UBN2: variants seen among roughly 807,000 people sequenced by gnomAD.
The protein encoded by UBN2 is ubinuclein 2, also known as ubinuclein-2.
Under a neutral mutation model 120.2 loss-of-function variants are expected in UBN2, and 35 were observed. The observed-to-expected ratio is 0.29, with a 90% confidence interval of 0.22 to 0.39. The LOEUF (loss-of-function observed/expected upper bound fraction) is 0.39. Among genes scored for constraint, UBN2 ranks in the 10% least tolerant of loss-of-function variants. The pLI, the probability that UBN2 is intolerant of heterozygous loss-of-function variation, is 1.00. For synonymous variants in UBN2, 661 were observed against 648.7 expected (o/e 1.02, Z -0.29); for missense variants, 1,693 against 1,663.2 (o/e 1.02, Z -0.31).
intron 13 of UBN2, among the ~76,000 whole-genome samples, chr7:139,280,947 A>G (rs1048946619): frequency 2.6e-5 from 4 of 152,194 alleles, no homozygotes; most frequent in Non-Finnish European, 4.4e-5. Context: ...CCCAGCCAGT[A>G]GTCCTCTTTT....
chr7:139,273,383 A>G lies in UBN2; in HGVS notation c.1802A>G (p.Lys601Arg). The change falls in exon 10 of 18, where the codon AAG (lysine) becomes AGG (arginine). Residue 601 changes from lysine (K) to arginine (R), a missense_variant. By Grantham distance (26) the Lys-to-Arg change is conservative. Transcript: ENST00000473989. ...GGAAAACGTGTCATAGGACCAAGAA[A>G]GAAATTCCACTGGGATGACACTATC... ...KPGKRVIGPR[K>R]KFHWDDTIRT... 1 of 1,605,208 alleles carries G rather than the reference A, an allele frequency of 6.2e-7. No individual in the cohort carries two copies. The highest frequency in any genetic ancestry group is 8.5e-7 in the Non-Finnish European group (1 of 1,174,870).
rs370971696 is a variant in UBN2 at position 139,291,177 on chromosome 7, A to G, written c.3670-2055A>G. Among the ~76,000 whole-genome samples, 76 of 152,112 alleles carry G rather than the reference A, an allele frequency of 5.0e-4. No homozygotes were observed. In the East Asian group the frequency reaches 9.7e-3, roughly 19 times the overall value. On this transcript the variant is annotated intron_variant, in intron 15 of 17. Coordinates refer to ENST00000473989, the MANE Select transcript of UBN2 (RefSeq NM_173569.4). The stretch of plus-strand genomic sequence containing the variant: ...GGAGTTTGAGACCATCCTGGCCAAC[A>G]TGGTGAAACCCCGTCTCTACTAAAA...
rs572003389 is a variant in UBN2, at chr7:139,271,074, G to A, written c.1597-1248G>A. On this transcript the variant is annotated intron_variant, in intron 8 of 17. Transcript: ENST00000473989. ...TGGGATTACAGGCGTGAGCCACTGC[G>A]CCTGGCCAGATGTTCACATTTTTAA... is the stretch of plus-strand genomic sequence containing the variant. Among the ~76,000 whole-genome samples, 25 of 152,100 alleles carry A rather than the reference G, an allele frequency of 1.6e-4. 1 individual carries two copies. Among genetic ancestry groups the A allele is most frequent in the Admixed American group, 9.8e-4 (15 of 15,284 alleles).
chr7:139,273,319 G>GA lies in UBN2; in HGVS notation c.1745dup (p.Asn582LysfsTer4), dbSNP rs1402320822. 6.2e-7 allele frequency: 1 copy of GA among 1,605,260 alleles called. No individual in the cohort carries two copies. Reference sequence around the variant, plus strand: ...TAGATTGCAGACAGATGAAGAACGAGAAAAAAATGGATCTGAAGAGGATGA... The same window carrying GA: ...TAGATTGCAGACAGATGAAGAACGAGAAAAAAAATGGATCTGAAGAGGATGA... On this transcript the variant is annotated frameshift_variant, in exon 10 of 18. Transcript: ENST00000473989. LOFTEE classifies it high-confidence loss of function.
In UBN2 at chr7:139,258,591, A is replaced by T. The variant is rs748782406; in HGVS notation, c.767A>T (p.Asp256Val). The part of the protein sequence containing the change: ...FRQASDTEED[D>V]ITDNQKHKPP... ...CAAGCTTCAGATACTGAAGAAGATG[A>T]TATTACAGACAACCAAAAGCACAAG... is the stretch of plus-strand genomic sequence containing the variant. The change falls in exon 4 of 18, where the codon GAT becomes GTT. Residue 256 changes from aspartate to valine, a missense_variant. Asp to Val is a radical substitution (Grantham distance 152). Around this residue, in one of 5 missense-constraint regions of UBN2, gnomAD observed 663 missense variants for 591.2 expected, o/e 1.12. Coordinates refer to ENST00000473989, the MANE Select transcript of UBN2 (RefSeq NM_173569.4). 1.3e-5 allele frequency: 21 copies of T among 1,604,552 alleles called. No individual in the cohort carries two copies. The highest frequency in any genetic ancestry group is 1.7e-5 in the Non-Finnish European group (20 of 1,174,566).
rs185473742 is a variant in UBN2, at chr7:139,277,971, G to A, written c.2025-1347G>A. ...ACTATAATAAAAGTTATGTGAATGT[G>A]GTTTATCTCTATTTCTGGAATTTTC... On this transcript the variant is annotated intron_variant, in intron 12 of 17. Transcript: ENST00000473989. 8.8e-4 allele frequency among the ~76,000 whole-genome samples: 134 copies of A among 152,122 alleles called. 2 individuals carry two copies. The highest frequency in any genetic ancestry group is 3.3e-4 in the Admixed American group (5 of 15,272).
At chr7:139,319,969 C>A in the UBN2 span, among the ~76,000 whole-genome samples, 1 of 150,738 alleles carries the variant, frequency 6.6e-6, no homozygotes, top group African/African-American at 2.4e-5. Context: ...CCAGCTACTC[C>A]GGAGGCCAAG....
At chr7:139,328,509 G>A in the UBN2 span, among the ~76,000 whole-genome samples, 6 of 152,138 alleles carry the variant, frequency 3.9e-5, no homozygotes, top group African/African-American at 1.2e-4. Context: ...CAGGGACCTC[G>A]GACAGAAGAG....
rs1796001555 is a variant in UBN2 at position 139,231,355 on chromosome 7, C to T, written c.-130C>T. ...ACACGGTCCGCACTCACCGTGGCGC[C>T]GGCGGAGACGGCTGAGGGTGGTGGA... On this transcript the variant is annotated 5_prime_UTR_variant, in exon 1 of 18. Transcript: ENST00000473989. 2 of 745,972 alleles carry T rather than the reference C, an allele frequency of 2.7e-6. No homozygotes were observed. The highest frequency in any genetic ancestry group is 3.7e-6 in the Non-Finnish European group (2 of 543,728). 46.2% of individuals were successfully genotyped at this position (745,972 alleles called of 1,614,324 possible). A position where few individuals can be genotyped will look rare whatever the true frequency, so the allele number is the denominator to read the frequency against.
Position 139,259,297 on chromosome 7 carries a change from A to T in UBN2, c.832A>T (p.Met278Leu). The change falls in exon 5 of 18, where the codon ATG (methionine) becomes TTG (leucine). Residue 278 changes from methionine to leucine, a missense_variant. Around this residue, in one of 5 missense-constraint regions of UBN2, gnomAD observed 663 missense variants for 591.2 expected, o/e 1.12. Coordinates refer to ENST00000473989, the MANE Select transcript of UBN2 (RefSeq NM_173569.4). ...VPKIKEDDIEMKKRKRKEEGE... is the reference protein window; with the variant it reads ...VPKIKEDDIELKKRKRKEEGE... Reference sequence around the variant, plus strand: ...CAAAATAAAAGAAGATGATATTGAGATGAAGAAGCGGAAGCGGAAAGAGGA... The same window carrying T: ...CAAAATAAAAGAAGATGATATTGAGTTGAAGAAGCGGAAGCGGAAAGAGGA... The T allele has an allele frequency of 6.2e-7, 1 of 1,613,942 alleles. No homozygotes were observed. The highest frequency in any genetic ancestry group is 8.5e-7 in the Non-Finnish European group (1 of 1,179,876).
chr7:139,310,208 T>TTTTA (rs1341568810), downstream of UBN2, among the ~76,000 whole-genome samples: 5 of 151,952 alleles, frequency 3.3e-5, no homozygotes, highest in Admixed American at 3.3e-4. Flanking sequence ...AAATAAAGAT[T>TTTTA]TGTTTTGCTT....
chr7:139,292,016 C>T (rs1253961982), intron 15 of UBN2, among the ~76,000 whole-genome samples: 2 of 152,234 alleles, frequency 1.3e-5, no homozygotes, highest in East Asian at 3.9e-4. Context: ...GGGAGGCCAA[C>T]GCAGTGAGGA....
intron 7 of UBN2, among the ~76,000 whole-genome samples, chr7:139,267,419 T>TC (rs1797130615): frequency 6.6e-6 from 1 of 151,902 alleles, no homozygotes; most frequent in South Asian, 2.1e-4. Context: ...ACCTATCATG[T>TC]CGGCTACTCA....
chr7:139,273,513 A>C (rs1797351213), intron 10 of UBN2, 103 bp downstream of exon 10: 1 of 775,634 alleles, frequency 1.3e-6, no homozygotes, highest in South Asian at 2.9e-5. Context: ...GAAGCAACCA[A>C]AGATTAGTGT....
intron 11 of UBN2, 143 bp downstream of exon 11, chr7:139,274,217 C>A: frequency 1.2e-6 from 1 of 801,460 alleles, no homozygotes; most frequent in Non-Finnish European, 1.8e-6. Context: ...CTCAGATGAT[C>A]CTTGCTTTGA....
At position 139,307,661 on chromosome 7, in the gene UBN2, G is replaced by A. The variant is rs1045870458; in HGVS notation, c.*9825G>A. 2 of 152,082 alleles carry A rather than the reference G, an allele frequency of 1.3e-5. No homozygotes were observed. The highest frequency in any genetic ancestry group is 2.9e-5 in the Non-Finnish European group (2 of 68,020). 9.4% of individuals were successfully genotyped at this position (152,082 alleles called of 1,614,324 possible). Reference sequence around the variant, plus strand: ...CTGCTGCTACTGAACCCTGCACTGAGCCGAGGTATTTCCATTTGGTTAACT... The same window carrying A: ...CTGCTGCTACTGAACCCTGCACTGAACCGAGGTATTTCCATTTGGTTAACT... On this transcript the variant is annotated 3_prime_UTR_variant, in exon 18 of 18. Coordinates refer to ENST00000473989, the MANE Select transcript of UBN2 (RefSeq NM_173569.4).
chr7:139,273,900 A>C (rs946272020), intron 10 of UBN2, 31 bp from the exon 11 acceptor site: 6 of 1,548,202 alleles, frequency 3.9e-6, no homozygotes, highest in Admixed American at 2.2e-5. Flanking sequence ...CTTCTAAAAA[A>C]AGTTTCAAAT....
intron 15 of UBN2, among the ~76,000 whole-genome samples, chr7:139,289,880 A>C (rs1797900248): frequency 6.6e-6 from 1 of 151,634 alleles, no homozygotes; most frequent in Non-Finnish European, 1.5e-5. Context: ...TGATTAGAAG[A>C]AGCAACTCTG....
Position 139,283,269 on chromosome 7 carries a change from A to G in UBN2, c.2364A>G (p.Ser788=), listed in dbSNP as rs2131036109. ...GGAACAAGGGCCCTCCAGTTGGCTCAAGGATAAGCATGCCAACCACAAAGC... is the reference window on the plus strand; with the variant it reads ...GGAACAAGGGCCCTCCAGTTGGCTCGAGGATAAGCATGCCAACCACAAAGC... The part of the protein sequence containing the change: ...NNGNKGPPVG[S]RISMPTTKPR... The change falls in exon 15 of 18, where the codon TCA becomes TCG. Residue 788 remains serine (S), a synonymous_variant. Coordinates refer to ENST00000473989, the MANE Select transcript of UBN2 (RefSeq NM_173569.4). 4 of 1,613,826 alleles carry G rather than the reference A, an allele frequency of 2.5e-6. No homozygotes were observed. The highest frequency in any genetic ancestry group is 4.5e-5 in the East Asian group (2 of 44,874).
Sources: allele counts gnomAD v4.1 joint callset (sites outside exome capture counted in the v4.1 genomes callset), GRCh38; gene constraint gnomAD v4.1.1; regional missense constraint gnomAD v4.1.1; transcripts MANE v1.5; gene names NCBI Gene and HGNC (gene_info 2026-07-23, HGNC 2026-07-21).